The following DLG2 variants were observed in gnomAD, a reference collection of about 807,000 sequenced individuals.
DLG2 encodes disks large homolog 2.
DLG2 carries 45 observed loss-of-function variants against 132.5 expected under a neutral mutation model. That is an observed-to-expected ratio of 0.34 (90% CI 0.27 to 0.44). The LOEUF (loss-of-function observed/expected upper bound fraction) is 0.44. Ranked by LOEUF, DLG2 falls within the 20% of genes least tolerant of loss-of-function variation. The pLI is 1.00. For synonymous variants in DLG2, 424 were observed against 419.6 expected, an observed-to-expected ratio of 1.01 and a Z score of -0.13; for missense variants, 1,045 against 1,196.9, an observed-to-expected ratio of 0.87 and a Z score of 1.87.
At chr11:84,073,371 G>A (rs1456131817) in intron 10 of DLG2, among the ~76,000 whole-genome samples, 1 of 151,366 alleles carries the variant, frequency 6.6e-6, no homozygotes, top group East Asian at 1.9e-4. Flanking sequence ...CCAGTGATAG[G>A]GCAAGGCCTA....
chr11:83,845,079 G>A (rs1321952047), intron 16 of DLG2, among the ~76,000 whole-genome samples: 1 of 151,896 alleles, frequency 6.6e-6, no homozygotes, highest in Non-Finnish European at 1.5e-5. Context: ...AGAGACTGTA[G>A]ATGGAAGGCC....
At chr11:84,301,430 G>T (rs2154381779) in intron 7 of DLG2, among the ~76,000 whole-genome samples, 1 of 152,070 alleles carries the variant, frequency 6.6e-6, no homozygotes, top group Admixed American at 6.5e-5. Context: ...GGCCGAGGTG[G>T]GTGGATCACG....
At chr11:85,468,611 G>T (rs1365917733) in intron 3 of DLG2, among the ~76,000 whole-genome samples, 3 of 152,176 alleles carry the variant, frequency 2.0e-5, no homozygotes, top group Non-Finnish European at 2.9e-5. Flanking sequence ...TTTCCATGTA[G>T]TTGAGCGGTT....
At chr11:84,543,836 T>G (rs1306378475) in intron 6 of DLG2, among the ~76,000 whole-genome samples, 1 of 152,136 alleles carries the variant, frequency 6.6e-6, no homozygotes, top group African/African-American at 2.4e-5. Flanking sequence ...AACTCAAAAG[T>G]GAAAGGAAAT....
chr11:85,556,199 G>A lies in DLG2; in HGVS notation c.40+42458C>T, dbSNP rs184628762. ...CAAATACAAGAAGTCTACTCATTGC[G>A]TGTTTACTATTACAGTTATATAAAA... On this transcript the variant is annotated intron_variant, in intron 3 of 27. Coordinates refer to ENST00000376104, the MANE Select transcript of DLG2 (RefSeq NM_001142699.3). Among the ~76,000 whole-genome samples, 7 of 151,830 alleles carry A rather than the reference G, an allele frequency of 4.6e-5. 1 individual carries two copies. The highest frequency in any genetic ancestry group is 1.9e-4 in the East Asian group (1 of 5,182).
chr11:84,419,697 T>C (rs910540385), intron 7 of DLG2, among the ~76,000 whole-genome samples: 1 of 152,204 alleles, frequency 6.6e-6, no homozygotes, highest in African/African-American at 2.4e-5. Flanking sequence ...GAAGGCTCTG[T>C]GCCCCTTTAG....
intron 8 of DLG2, among the ~76,000 whole-genome samples, chr11:84,233,410 T>C (rs577069263): frequency 6.6e-6 from 1 of 152,192 alleles, no homozygotes; most frequent in African/African-American, 2.4e-5. Flanking sequence ...AAAACATAAA[T>C]AAGCAAGCTG....
chr11:85,559,937 A>C (rs2077146234), intron 3 of DLG2, among the ~76,000 whole-genome samples: 1 of 151,740 alleles, frequency 6.6e-6, no homozygotes, highest in Non-Finnish European at 1.5e-5. Flanking sequence ...CAGAACACTC[A>C]AGAAAATAAA....
intron 3 of DLG2, among the ~76,000 whole-genome samples, chr11:85,385,519 G>A (rs1382558432): frequency 6.6e-6 from 1 of 152,162 alleles, no homozygotes; most frequent in African/African-American, 2.4e-5. Flanking sequence ...TATAAGTGGG[G>A]AAATTCCAAT....
At chr11:85,540,990 G>C (rs938400287) in intron 3 of DLG2, among the ~76,000 whole-genome samples, 1 of 152,136 alleles carries the variant, frequency 6.6e-6, no homozygotes, top group Non-Finnish European at 1.5e-5. Context: ...ATTCTCTTTT[G>C]TTCCCTGGAA....
chr11:84,022,095 T>C (rs1300810887), intron 11 of DLG2, among the ~76,000 whole-genome samples: 1 of 152,110 alleles, frequency 6.6e-6, no homozygotes, highest in Non-Finnish European at 1.5e-5. Flanking sequence ...CAACCTTCAA[T>C]GCAGGCACCA....
chr11:83,909,108 A>G (rs35717066), intron 15 of DLG2, among the ~76,000 whole-genome samples: 1 of 152,190 alleles, frequency 6.6e-6, no homozygotes. Context: ...ATGAAAGGAA[A>G]TACAAGGTTT....
chr11:85,572,665 G>C (rs1452817990), intron 3 of DLG2, among the ~76,000 whole-genome samples: 1 of 152,078 alleles, frequency 6.6e-6, no homozygotes, highest in African/African-American at 2.4e-5. Context: ...AATTTTCTTT[G>C]TAAGAAACAT....
At chr11:84,571,818 T>C (rs984780659) in intron 6 of DLG2, among the ~76,000 whole-genome samples, 6 of 152,136 alleles carry the variant, frequency 3.9e-5, no homozygotes, top group Non-Finnish European at 5.9e-5. Flanking sequence ...AAAACAAGCA[T>C]GAAAGACATG....
intron 11 of DLG2, among the ~76,000 whole-genome samples, chr11:84,038,155 G>T (rs771804199): frequency 6.6e-6 from 1 of 151,674 alleles, no homozygotes; most frequent in African/African-American, 2.4e-5. Flanking sequence ...CAGTGTGGTT[G>T]TTCCCCTCTA....
rs549291353 is a variant in DLG2, at chr11:85,346,803, A to G, written c.41-61438T>C. On this transcript the variant is annotated intron_variant, in intron 3 of 27. Coordinates refer to ENST00000376104, the MANE Select transcript of DLG2 (RefSeq NM_001142699.3). Reference sequence around the variant, plus strand: ...AAACAGTAAAGGACATCACAAAGAAAGGGCAAATAATGGTGAGGCATCCAT... The same window carrying G: ...AAACAGTAAAGGACATCACAAAGAAGGGGCAAATAATGGTGAGGCATCCAT... Among the ~76,000 whole-genome samples, 45 of 152,216 alleles carry G rather than the reference A, an allele frequency of 3.0e-4. No individual in the cohort carries two copies. The South Asian group carries it at 9.3e-3, about 32-fold the overall frequency.
chr11:84,878,205 T>C (rs868263395), intron 6 of DLG2, among the ~76,000 whole-genome samples: 1 of 152,314 alleles, frequency 6.6e-6, no homozygotes, highest in South Asian at 2.1e-4. Context: ...AGCAATCCCA[T>C]TACTGGGTAT....
At chr11:84,215,400 A>T (rs1566954732) in intron 8 of DLG2, among the ~76,000 whole-genome samples, 2 of 152,008 alleles carry the variant, frequency 1.3e-5, no homozygotes, top group African/African-American at 4.8e-5. Flanking sequence ...GAGCAAAATT[A>T]ACACCTAAAT....
At chr11:84,254,408 A>G (rs554463703) in intron 7 of DLG2, among the ~76,000 whole-genome samples, 7 of 152,308 alleles carry the variant, frequency 4.6e-5, no homozygotes, top group African/African-American at 1.7e-4. Flanking sequence ...CAAGTATTGT[A>G]TACTTTTCTA....
Sources: allele counts gnomAD v4.1 joint callset (sites outside exome capture counted in the v4.1 genomes callset), GRCh38; gene constraint gnomAD v4.1.1; transcripts MANE v1.5; gene names NCBI Gene and HGNC (gene_info 2026-07-23, HGNC 2026-07-21).